TNNI3K: variants seen among roughly 807,000 people sequenced by gnomAD.
TNNI3K encodes TNNI3 interacting kinase.
TNNI3K carries 140 observed loss-of-function variants against 114.5 expected under a neutral mutation model. The ratio of observed to expected loss-of-function variants is 1.22; its 90% CI spans 1.07 to 1.41. The LOEUF (loss-of-function observed/expected upper bound fraction) is 1.41, where lower values mean the gene tolerates loss of function less well. TNNI3K is among the 40% of genes most tolerant of loss of function. TNNI3K has a pLI of 0.00. For missense variants in TNNI3K, 1,125 were observed against 1,007.6 expected, an observed-to-expected ratio of 1.12 and a Z score of -1.58; for synonymous variants, 347 against 347.5, an observed-to-expected ratio of 1.00 and a Z score of 0.02.
intron 4 of TNNI3K, among the ~76,000 whole-genome samples, chr1:74,259,389 A>G (rs973977114): frequency 1.3e-5 from 2 of 152,184 alleles, no homozygotes; most frequent in Non-Finnish European, 2.9e-5. Flanking sequence ...AATAAAAACA[A>G]ATTCACCTTC....
At chr1:74,422,370 T>C (rs1332105632) in intron 17 of TNNI3K, among the ~76,000 whole-genome samples, 2 of 152,160 alleles carry the variant, frequency 1.3e-5, no homozygotes, top group African/African-American at 4.8e-5. Flanking sequence ...AAACACTATA[T>C]GTCAGGTTTA....
chr1:74,436,881 C>T (rs891475827), intron 19 of TNNI3K, among the ~76,000 whole-genome samples: 7 of 152,016 alleles, frequency 4.6e-5, no homozygotes, highest in Non-Finnish European at 7.4e-5. Flanking sequence ...ATTAGTAGTT[C>T]ATCAGCATCT....
chr1:74,379,761 A>G (rs558602778), intron 17 of TNNI3K, among the ~76,000 whole-genome samples: 1 of 152,098 alleles, frequency 6.6e-6, no homozygotes, highest in Middle Eastern at 3.2e-3. Flanking sequence ...AAACATTCTC[A>G]TGACATTTCA....
At chr1:74,356,334 C>T (rs1457079906) in intron 11 of TNNI3K, among the ~76,000 whole-genome samples, 1 of 152,108 alleles carries the variant, frequency 6.6e-6, no homozygotes, top group Non-Finnish European at 1.5e-5. Flanking sequence ...GTGTTATGAA[C>T]ATTCATATAT....
At chr1:74,411,211 C>T (rs868804423) in intron 17 of TNNI3K, among the ~76,000 whole-genome samples, 45 of 152,200 alleles carry the variant, frequency 3.0e-4, no homozygotes, top group African/African-American at 9.9e-4. Context: ...AATAGTGTGA[C>T]AATTTCATTA....
chr1:74,410,768 TG>T (rs1289294796), intron 17 of TNNI3K, among the ~76,000 whole-genome samples: 1 of 152,176 alleles, frequency 6.6e-6, no homozygotes, highest in African/African-American at 2.4e-5. Context: ...TGAATTGAGA[TG>T]TATTCTTTGA....
intron 17 of TNNI3K, among the ~76,000 whole-genome samples, chr1:74,388,893 C>T (rs973972794): frequency 3.3e-5 from 5 of 152,206 alleles, no homozygotes; most frequent in African/African-American, 1.2e-4. Flanking sequence ...GGAAGTCCAG[C>T]ACAGTACAGG....
chr1:74,455,889 A>G (rs1475767620), intron 20 of TNNI3K, among the ~76,000 whole-genome samples: 8 of 152,226 alleles, frequency 5.3e-5, no homozygotes, highest in Admixed American at 5.2e-4. Context: ...AAGCACCCTC[A>G]CAGACACACT....
rs777518162 is a variant in TNNI3K at position 74,492,248 on chromosome 1, A to G, written c.2333A>G (p.Tyr778Cys). The stretch of plus-strand genomic sequence containing the variant: ...GAATATGCTCTAAATGCAAGGTCCT[A>G]TGCTGCTTTGTCCCAAAGGTGAGTG... ...ELEYALNARS[Y>C]AALSQSAGQY... is the part of the protein sequence containing the mutation. The change falls in exon 23 of 25, where the codon TAT (tyrosine) becomes TGT (cysteine). Residue 778 changes from tyrosine (Y) to cysteine (C), a missense_variant. By Grantham distance (194) the Tyr-to-Cys change is radical. Coordinates refer to ENST00000326637, the MANE Select transcript of TNNI3K (RefSeq NM_015978.3). The G allele has an allele frequency of 1.9e-6, 3 of 1,588,954 alleles. No individual in the cohort carries two copies. Among genetic ancestry groups the G allele is most frequent in the South Asian group, 1.1e-5 (1 of 87,476 alleles).
chr1:74,386,522 A>G (rs1056331608), intron 17 of TNNI3K, among the ~76,000 whole-genome samples: 1 of 152,086 alleles, frequency 6.6e-6, no homozygotes, highest in African/African-American at 2.4e-5. Context: ...AATACAATAA[A>G]TTAATTAATT....
At chr1:74,346,095 A>G (rs1006541143) in intron 9 of TNNI3K, 2 of 152,186 alleles carry the variant, frequency 1.3e-5, no homozygotes, top group African/African-American at 4.8e-5. Flanking sequence ...TTCAGCAACA[A>G]TTTGGCACAT....
chr1:74,320,094 GATA>G (rs1465831517), intron 5 of TNNI3K, among the ~76,000 whole-genome samples: 1 of 152,140 alleles, frequency 6.6e-6, no homozygotes, highest in Non-Finnish European at 1.5e-5. Flanking sequence ...GGGCGCGTGT[GATA>G]TTGTGCTTCT....
At chr1:74,404,360 A>G (rs1423826735) in intron 17 of TNNI3K, among the ~76,000 whole-genome samples, 5 of 152,050 alleles carry the variant, frequency 3.3e-5, no homozygotes, top group Admixed American at 1.3e-4. Flanking sequence ...TAATTTCATC[A>G]GGTTTGACAG....
At chr1:74,418,673 C>G (rs1665250865) in intron 17 of TNNI3K, among the ~76,000 whole-genome samples, 1 of 151,640 alleles carries the variant, frequency 6.6e-6, no homozygotes, top group South Asian at 2.1e-4. Context: ...ATATTCTGTC[C>G]AAACTAACGA....
At chr1:74,336,963 C>A (rs1660503304) in intron 7 of TNNI3K, among the ~76,000 whole-genome samples, 1 of 151,894 alleles carries the variant, frequency 6.6e-6, no homozygotes. Flanking sequence ...TACAGTCCCA[C>A]CAACAGTGTA....
chr1:74,404,018 T>A (rs937465693), intron 17 of TNNI3K, among the ~76,000 whole-genome samples: 2 of 152,168 alleles, frequency 1.3e-5, no homozygotes, highest in African/African-American at 4.8e-5. Context: ...TGGACCCCAC[T>A]GCCCACCCCA....
chr1:74,302,962 A>G (rs1658416540), intron 5 of TNNI3K, among the ~76,000 whole-genome samples: 1 of 152,242 alleles, frequency 6.6e-6, no homozygotes, highest in Non-Finnish European at 1.5e-5. Flanking sequence ...CTTTCAGGCT[A>G]GAAAGGAGCA....
At chr1:74,319,314 A>C (rs1360780159) in intron 5 of TNNI3K, among the ~76,000 whole-genome samples, 2 of 152,238 alleles carry the variant, frequency 1.3e-5, no homozygotes, top group Non-Finnish European at 2.9e-5. Flanking sequence ...AGTATAAGAC[A>C]AAATCATAAT....
Position 74,505,971 on chromosome 1 carries a change from A to C in TNNI3K, c.2351+13705A>C, listed in dbSNP as rs77598724. On this transcript the variant is annotated intron_variant, in intron 23 of 24. Transcript: ENST00000326637. ...CACCCTGACTTCTCTTTCAAAGAGA[A>C]AGTAAAAAAATGAAATCACTTTTTG... 5.6e-3 allele frequency among the ~76,000 whole-genome samples: 855 copies of C among 152,322 alleles called. 11 individuals carry two copies. The highest frequency in any genetic ancestry group is 0.019 in the African/African-American group (793 of 41,564).
Sources: gnomAD v4.1 joint callset for allele counts (sites outside exome capture counted in the v4.1 genomes callset) on GRCh38, gnomAD v4.1.1 for gene constraint, MANE v1.5 for transcripts, NCBI Gene and HGNC (gene_info 2026-07-23, HGNC 2026-07-21) for gene names.